COG3: variants seen among roughly 807,000 people sequenced by gnomAD.
COG3 encodes the protein conserved oligomeric Golgi complex subunit 3.
Under a neutral mutation model 114.1 loss-of-function variants are expected in COG3, and 32 were observed. The ratio of observed to expected loss-of-function variants is 0.28; its 90% CI spans 0.21 to 0.38. The LOEUF is 0.38. Among genes scored for constraint, COG3 ranks in the 10% least tolerant of loss-of-function variants. COG3 has a pLI of 1.00. For synonymous variants in COG3, 352 were observed against 365.7 expected (o/e 0.96, Z 0.43); for missense variants, 813 against 973.2 (o/e 0.84, Z 2.19).
chr13:45,486,357 A>AGGGAGC (rs1886669021), intron 7 of COG3, 138 bp from the exon 8 acceptor site: 1 of 608,060 alleles, frequency 1.6e-6, no homozygotes, highest in East Asian at 2.8e-5. Flanking sequence ...GGAGAGGGAG[A>AGGGAGC]GGGAGAGGGA....
intron 19 of COG3, among the ~76,000 whole-genome samples, chr13:45,519,312 G>A (rs1286412883): frequency 6.6e-6 from 1 of 152,140 alleles, no homozygotes; most frequent in Non-Finnish European, 1.5e-5. Context: ...AGGAAGAGTC[G>A]AAATATTGCA....
intron 1 of COG3, among the ~76,000 whole-genome samples, chr13:45,469,511 C>A (rs556426653): frequency 2.6e-5 from 4 of 152,226 alleles, no homozygotes; most frequent in African/African-American, 9.6e-5. Context: ...AAGACTTAAT[C>A]ACAGAACCAG....
intron 13 of COG3, among the ~76,000 whole-genome samples, chr13:45,500,967 T>C (rs1188748236): frequency 1.3e-5 from 2 of 152,226 alleles, no homozygotes; most frequent in African/African-American, 4.8e-5. Context: ...GTTATCCTTA[T>C]GATTAGACTA....
chr13:45,477,275 T>C (rs1250112865), intron 2 of COG3, among the ~76,000 whole-genome samples: 1 of 152,190 alleles, frequency 6.6e-6, no homozygotes, highest in Non-Finnish European at 1.5e-5. Flanking sequence ...TCAGGTTCAC[T>C]TGAAGGTAGT....
chr13:45,534,155 C>G (rs925940516), intron 22 of COG3, among the ~76,000 whole-genome samples: 1 of 152,236 alleles, frequency 6.6e-6, no homozygotes, highest in Non-Finnish European at 1.5e-5. Flanking sequence ...CTTGTCATGT[C>G]TGTTCTTGTG....
chr13:45,470,749 C>T (rs1348140710), intron 1 of COG3, among the ~76,000 whole-genome samples: 4 of 152,136 alleles, frequency 2.6e-5, no homozygotes, highest in African/African-American at 9.7e-5. Flanking sequence ...GGATATGGGT[C>T]TAGGTGATGT....
rs773382833 is a variant in COG3 at position 45,511,847 on chromosome 13, A to G, written c.1802A>G (p.Lys601Arg). 16 of 1,612,552 alleles carry G rather than the reference A, an allele frequency of 9.9e-6. No homozygotes were observed. The African/African-American group carries it at 1.2e-4, about 12-fold the overall frequency. ...CTTGGAGCGTCAGAGTCTATCAGCA[A>G]AAACAAGGTTTGATGAAGTGTTAGG... is the stretch of plus-strand genomic sequence containing the variant. ...SLLGASESIS[K>R]NKTQIDGQLF... The change falls in exon 16 of 23, where the codon AAA becomes AGA. Residue 601 changes from lysine (K) to arginine (R), a missense_variant. Physicochemically the swap from Lys to Arg is conservative, Grantham distance 26. This residue lies in a region of COG3 where 389 missense variants were observed against 542.6 expected (regional missense o/e 0.72). Transcript: ENST00000349995.
rs760663951 is a variant in COG3 at position 45,476,246 on chromosome 13, A to T, written c.220A>T (p.Ile74Phe). 1.2e-6 allele frequency: 2 copies of T among 1,613,932 alleles called. No homozygotes were observed. The highest frequency in any genetic ancestry group is 4.5e-5 in the East Asian group (2 of 44,870). Residue 74 changes from isoleucine (I) to phenylalanine (F), a missense_variant, in exon 2 of 23, where the codon ATT becomes TTT. Physicochemically the swap from Ile to Phe is conservative, Grantham distance 21 (BLOSUM62 0). Around this residue, in one of 2 missense-constraint regions of COG3, gnomAD observed 424 missense variants for 430.6 expected, o/e 0.98. Transcript: ENST00000349995. The part of the protein sequence containing the change: ...LCSLTSQSLP[I>F]ELTSVVPEST... ...CAGTTTAACATCCCAGTCACTGCCC[A>T]TTGAACTGACTTCAGTAGTGCCTGA... is the stretch of plus-strand genomic sequence containing the variant.
chr13:45,525,523 G>A (rs1038076014), intron 20 of COG3, among the ~76,000 whole-genome samples: 17 of 150,996 alleles, frequency 1.1e-4, no homozygotes, highest in Admixed American at 3.3e-4. Flanking sequence ...AAATTGAGGC[G>A]TCAGTTGGGA....
At chr13:45,465,364 C>A in intron 1 of COG3, 154 bp downstream of exon 1, 1 of 1,284,572 alleles carries the variant, frequency 7.8e-7, no homozygotes, top group Non-Finnish European at 1.0e-6. Context: ...GCCTCATCTC[C>A]CAGGCTGTCA....
At chr13:45,526,076 ATTTTTTTTTT>A (rs386379016) in intron 20 of COG3, among the ~76,000 whole-genome samples, 996 of 56,584 alleles carry the variant, frequency 0.018, 14 homozygotes, top group Admixed American at 0.024. Flanking sequence ...CAAAATTTTA[ATTTTTTTTTT>A]TTTTTTTTTT....
At position 45,535,476 on chromosome 13, in the gene COG3, T is replaced by C. The variant is rs775502628; in HGVS notation, c.*745T>C. 4 of 985,284 alleles carry C rather than the reference T, an allele frequency of 4.1e-6. No individual in the cohort carries two copies. The highest frequency in any genetic ancestry group is 2.4e-6 in the Non-Finnish European group (2 of 829,950). The allele number at this position is 985,284 out of a possible 1,614,324, so 61.0% of individuals were successfully genotyped here. A position where few individuals can be genotyped will look rare whatever the true frequency, so the allele number is the denominator to read the frequency against. The stretch of plus-strand genomic sequence containing the variant: ...ATCTTCATGGTATGATAGTGTGTGT[T>C]TGTGAGTGCGAAGTACCAATTAAGG... On this transcript the variant is annotated 3_prime_UTR_variant, in exon 23 of 23. Coordinates refer to ENST00000349995, the MANE Select transcript of COG3 (RefSeq NM_031431.4).
chr13:45,504,240 C>T (rs1566259613), intron 14 of COG3, among the ~76,000 whole-genome samples: 1 of 152,318 alleles, frequency 6.6e-6, no homozygotes, highest in South Asian at 2.1e-4. Flanking sequence ...AGTTGCTACA[C>T]TAAATCCAGA....
intron 7 of COG3, among the ~76,000 whole-genome samples, chr13:45,485,030 C>T (rs9670901): frequency 3.3e-3 from 433 of 132,838 alleles, no homozygotes; most frequent in African/African-American, 0.012. Context: ...ACCATCCGAT[C>T]TCTCAATCTT....
At chr13:45,465,257 C>T (rs758696792) in intron 1 of COG3, 47 bp downstream of exon 1, 1 of 1,597,410 alleles carries the variant, frequency 6.3e-7, no homozygotes, top group South Asian at 1.1e-5. Flanking sequence ...GGCTGGGATT[C>T]TCCTCGGGCG....
chr13:45,532,458 T>C (rs1873234914), intron 22 of COG3, among the ~76,000 whole-genome samples: 1 of 151,948 alleles, frequency 6.6e-6, no homozygotes, highest in Admixed American at 6.6e-5. Context: ...CAGAACAAGG[T>C]GCATTTGGAG....
In COG3 at chr13:45,482,420, T is replaced by A. The variant is rs1441866949; in HGVS notation, c.664T>A (p.Phe222Ile). The change falls in exon 6 of 23, where the codon TTT becomes ATT. Residue 222 changes from phenylalanine to isoleucine, a missense_variant. Phe to Ile is a conservative substitution (Grantham distance 21, BLOSUM62 0). This residue lies in a region of COG3 where 424 missense variants were observed against 430.6 expected (regional missense o/e 0.98). Coordinates refer to ENST00000349995, the MANE Select transcript of COG3 (RefSeq NM_031431.4). Reference sequence around the variant, plus strand: ...TACATTGTCGGTGAATAGTGACGGATTTATACCTATGCTGGCCAAGTTAGA... The same window carrying A: ...TACATTGTCGGTGAATAGTGACGGAATTATACCTATGCTGGCCAAGTTAGA... ...SPTLSVNSDGFIPMLAKLDDC... is the reference protein window; with the variant it reads ...SPTLSVNSDGIIPMLAKLDDC... The A allele has an allele frequency of 1.5e-5, 23 of 1,578,744 alleles. No individual in the cohort carries two copies. Among genetic ancestry groups the A allele is most frequent in the Non-Finnish European group, 1.7e-5 (20 of 1,151,570 alleles).
intron 4 of COG3, among the ~76,000 whole-genome samples, chr13:45,480,675 C>T (rs1376698206): frequency 6.6e-6 from 1 of 152,174 alleles, no homozygotes; most frequent in African/African-American, 2.4e-5. Context: ...AAGCGATTCT[C>T]CTGCCTCAGC....
chr13:45,534,083 C>T (rs932676019), intron 22 of COG3, among the ~76,000 whole-genome samples: 10 of 152,204 alleles, frequency 6.6e-5, no homozygotes, highest in African/African-American at 2.2e-4. Context: ...CCCAGTCCTC[C>T]GTTACAGAGC....
Sources: allele counts gnomAD v4.1 joint callset (sites outside exome capture counted in the v4.1 genomes callset), GRCh38; gene constraint gnomAD v4.1.1; regional missense constraint gnomAD v4.1.1; transcripts MANE v1.5; gene names NCBI Gene and HGNC (gene_info 2026-07-23, HGNC 2026-07-21).